Variants in RORA observed in about 807,000 individuals in gnomAD.
RORA encodes the protein RAR related orphan receptor A.
In RORA, 7 loss-of-function variants were observed where a neutral mutation model predicts 69.5. The observed-to-expected ratio is 0.10, with a 90% CI of 0.06 to 0.19. The LOEUF is 0.19. RORA is among the 10% of genes least tolerant of loss of function. The pLI is 1.00. For synonymous variants in RORA, 261 were observed against 240.8 expected (o/e 1.08, Z -0.78); for missense variants, 457 against 663.0 (o/e 0.69, Z 3.41).
chr15:60,599,124 C>T (rs920350183), intron 2 of RORA, among the ~76,000 whole-genome samples: 17 of 152,088 alleles, frequency 1.1e-4, no homozygotes, highest in African/African-American at 3.6e-4. Context: ...TTACTATGTG[C>T]GGGGTTCATC....
chr15:61,126,153 A>G (rs1433306703), intron 1 of RORA, among the ~76,000 whole-genome samples: 1 of 152,200 alleles, frequency 6.6e-6, no homozygotes, highest in East Asian at 1.9e-4. Context: ...TGACAGCCAG[A>G]CATAGAGTCT....
At chr15:60,851,846 G>A (rs915806692) in intron 1 of RORA, among the ~76,000 whole-genome samples, 2 of 151,352 alleles carry the variant, frequency 1.3e-5, no homozygotes, top group East Asian at 1.9e-4. Flanking sequence ...TACCAATGAC[G>A]TAAGTTCTGA....
intron 1 of RORA, among the ~76,000 whole-genome samples, chr15:60,912,425 CA>C (rs34706939): frequency 0.38 from 57,450 of 151,022 alleles, 11,176 homozygotes; most frequent in East Asian, 0.63. Context: ...GACCATGCCT[CA>C]AAAAAACAAA....
At chr15:60,523,694 G>C (rs1192403119) in intron 3 of RORA, among the ~76,000 whole-genome samples, 1 of 152,138 alleles carries the variant, frequency 6.6e-6, no homozygotes, top group Non-Finnish European at 1.5e-5. Flanking sequence ...TATATATTTA[G>C]AGATACGGTC....
intron 1 of RORA, among the ~76,000 whole-genome samples, chr15:61,017,975 G>C (rs1895363154): frequency 6.6e-6 from 1 of 152,134 alleles, no homozygotes; most frequent in Non-Finnish European, 1.5e-5. Context: ...ATCATAAAAA[G>C]CATTGCAGCA....
chr15:60,919,481 G>A (rs1023816487), intron 1 of RORA, among the ~76,000 whole-genome samples: 1 of 152,200 alleles, frequency 6.6e-6, no homozygotes, highest in Non-Finnish European at 1.5e-5. Flanking sequence ...CCTCAAAATT[G>A]AGACTAGGCT....
At chr15:60,977,844 G>C (rs1297498592) in intron 1 of RORA, among the ~76,000 whole-genome samples, 1 of 152,124 alleles carries the variant, frequency 6.6e-6, no homozygotes, top group Non-Finnish European at 1.5e-5. Flanking sequence ...ACCAGATTTT[G>C]CATGCCCATT....
At chr15:60,519,027 GTAT>G (rs1166958641) in intron 3 of RORA, among the ~76,000 whole-genome samples, 2 of 152,270 alleles carry the variant, frequency 1.3e-5, no homozygotes, top group East Asian at 1.9e-4. Flanking sequence ...TAATTGTTCT[GTAT>G]TATTATTATT....
intron 1 of RORA, among the ~76,000 whole-genome samples, chr15:60,794,169 T>C (rs531459974): frequency 6.6e-6 from 1 of 152,328 alleles, no homozygotes; most frequent in South Asian, 2.1e-4. Context: ...GCCACATTCA[T>C]ATAATTATTT....
chr15:61,148,854 C>T (rs987098360), intron 1 of RORA, among the ~76,000 whole-genome samples: 6 of 152,134 alleles, frequency 3.9e-5, no homozygotes. Context: ...CAAAAATCTA[C>T]CCAGGTATGA....
At chr15:60,823,329 A>G (rs758061777) in intron 1 of RORA, among the ~76,000 whole-genome samples, 60 of 152,164 alleles carry the variant, frequency 3.9e-4, no homozygotes, top group Admixed American at 1.3e-4. Context: ...TGCTAGGAGT[A>G]CAGGTGTAAG....
rs187964454 is a variant in RORA at position 60,601,784 on chromosome 15, G to T, written c.197-69933C>A. 1.6e-3 allele frequency among the ~76,000 whole-genome samples: 237 copies of T among 152,230 alleles called. 2 individuals are homozygous for T. The highest frequency in any genetic ancestry group is 2.9e-3 in the Non-Finnish European group (196 of 67,984). ...GCCATTTATTTTCAATGTACTTTGA[G>T]TAAACTGTTATCTACGTTTATTAAG... On this transcript the variant is annotated intron_variant, in intron 2 of 10. Transcript: ENST00000335670.
chr15:61,170,762 T>C (rs1295687782), intron 1 of RORA, among the ~76,000 whole-genome samples: 1 of 152,174 alleles, frequency 6.6e-6, no homozygotes, highest in African/African-American at 2.4e-5. Flanking sequence ...AGAGAAGTGG[T>C]TGTTAATGCT....
rs115736371 is a variant in RORA, at chr15:60,606,466, C to A, written c.196+72191G>T. 4.1e-3 allele frequency among the ~76,000 whole-genome samples: 618 copies of A among 152,060 alleles called. 6 individuals are homozygous for A. The highest frequency in any genetic ancestry group is 0.014 in the African/African-American group (591 of 41,464). On this transcript the variant is annotated intron_variant, in intron 2 of 10. Transcript: ENST00000335670. Reference sequence around the variant, plus strand: ...CTTTCTTGTTGTTGTTTTTTTTAAACCAAGATGTGAAAAGCACAGAAGCAT... The same window carrying A: ...CTTTCTTGTTGTTGTTTTTTTTAAAACAAGATGTGAAAAGCACAGAAGCAT...
intron 1 of RORA, among the ~76,000 whole-genome samples, chr15:60,741,090 C>T (rs529873600): frequency 3.0e-4 from 45 of 152,188 alleles, no homozygotes; most frequent in African/African-American, 9.6e-4. Flanking sequence ...AGTGATAAAC[C>T]GCTTGAGTTA....
intron 1 of RORA, among the ~76,000 whole-genome samples, chr15:61,116,527 T>C (rs1237748476): frequency 5.3e-5 from 8 of 152,294 alleles, no homozygotes; most frequent in Admixed American, 2.0e-4. Flanking sequence ...AGGTGACTGA[T>C]TCAACAAGGT....
At chr15:60,501,101 T>G (rs752571303) in intron 8 of RORA, 32 bp from the exon 9 acceptor site, 1 of 1,300,920 alleles carries the variant, frequency 7.7e-7, no homozygotes, top group Admixed American at 1.8e-5. Flanking sequence ...CAGTTTAGAA[T>G]TTTGATTATT....
intron 1 of RORA, among the ~76,000 whole-genome samples, chr15:60,828,188 G>C (rs939750977): frequency 6.6e-6 from 1 of 152,180 alleles, no homozygotes; most frequent in East Asian, 1.9e-4. Flanking sequence ...TGAGGAGCAG[G>C]AGGGAGTGCT....
intron 1 of RORA, among the ~76,000 whole-genome samples, chr15:60,841,760 C>T (rs1047457952): frequency 7.2e-5 from 11 of 152,140 alleles, no homozygotes; most frequent in African/African-American, 1.9e-4. Context: ...TTGTGCTCCG[C>T]CCTTTATCTC....
Sources: gnomAD v4.1 joint callset for allele counts (sites outside exome capture counted in the v4.1 genomes callset) on GRCh38, gnomAD v4.1.1 for gene constraint, MANE v1.5 for transcripts, NCBI Gene and HGNC (gene_info 2026-07-23, HGNC 2026-07-21) for gene names.